Variants in COL4A3 observed in about 807,000 individuals in gnomAD.
COL4A3 encodes collagen type IV alpha 3 chain, also known as collagen alpha-3(IV) chain.
Under a neutral mutation model 217.4 loss-of-function variants are expected in COL4A3, and 135 were observed. That is an observed-to-expected ratio of 0.62 (90% CI 0.54 to 0.72). COL4A3 has a LOEUF of 0.72. Among genes scored for constraint, COL4A3 ranks in the 30% least tolerant of loss-of-function variants. The pLI is 0.00. For synonymous variants in COL4A3, 690 were observed against 736.3 expected (o/e 0.94, Z 1.02); for missense variants, 1,868 against 2,119.9 (o/e 0.88, Z 2.33).
intron 1 of COL4A3, among the ~76,000 whole-genome samples, chr2:227,180,448 G>A (rs748172426): frequency 2.6e-5 from 4 of 152,112 alleles, no homozygotes; most frequent in South Asian, 2.1e-4. Flanking sequence ...TTTCAGAGAC[G>A]GAACATTCAG....
intron 1 of COL4A3, among the ~76,000 whole-genome samples, chr2:227,222,002 C>T (rs2067813408): frequency 6.6e-6 from 1 of 151,656 alleles, no homozygotes; most frequent in Non-Finnish European, 1.5e-5. Context: ...GCTCCTTAAG[C>T]CAGGTGCAGT....
rs2066338645 is a variant in COL4A3 at position 227,193,755 on chromosome 2, AGG to A, written c.87+28943_87+28944del. On this transcript the variant is annotated intron_variant, in intron 1 of 51. Transcript: ENST00000396578. ...AAGGAGGGAGGGAGGGAGGGAAGGA[AGG>A]AAGGAAGGAAGGAAGGAAGGAAGGA... 1.3e-3 allele frequency among the ~76,000 whole-genome samples: 12 copies of A among 9,324 alleles called. 1 individual carries two copies. The highest frequency in any genetic ancestry group is 3.7e-3 in the African/African-American group (11 of 2,938). The allele number at this position is 9,324 out of a possible 152,430, so 6.1% of individuals were successfully genotyped here.
intron 23 of COL4A3, among the ~76,000 whole-genome samples, chr2:227,267,328 T>A (rs2125983236): frequency 6.6e-6 from 1 of 152,334 alleles, no homozygotes; most frequent in East Asian, 1.9e-4. Context: ...GCAGGAATTG[T>A]GAACACAGAG....
intron 3 of COL4A3, among the ~76,000 whole-genome samples, chr2:227,241,303 T>C (rs1302547609): frequency 6.6e-6 from 1 of 152,210 alleles, no homozygotes; most frequent in Non-Finnish European, 1.5e-5. Context: ...CAGCAAGCTA[T>C]AAACCAACTA....
intron 1 of COL4A3, among the ~76,000 whole-genome samples, chr2:227,190,799 C>G (rs979142818): frequency 3.3e-5 from 5 of 152,090 alleles, no homozygotes; most frequent in Admixed American, 2.0e-4. Context: ...CCCAGCTACT[C>G]AGAAGGCTGA....
chr2:227,254,899 A>G (rs1459721092), intron 15 of COL4A3, among the ~76,000 whole-genome samples, 184 bp downstream of exon 15: 1 of 152,190 alleles, frequency 6.6e-6, no homozygotes. Flanking sequence ...ACAGGGTTCA[A>G]GGACTTCAGA....
At chr2:227,177,316 A>AT (rs113238169) in intron 1 of COL4A3, among the ~76,000 whole-genome samples, 2,124 of 146,208 alleles carry the variant, frequency 0.015, 21 homozygotes, top group African/African-American at 0.023. Flanking sequence ...CTCCCGGCTA[A>AT]TTTTTTTTTT....
At chr2:227,256,656 T>A (rs1455330603) in intron 17 of COL4A3, 2 of 644,064 alleles carry the variant, frequency 3.1e-6, no homozygotes, top group African/African-American at 1.8e-5. Context: ...CAGCTTCCCA[T>A]GAGGAAGAGG....
rs531021839 is a variant in COL4A3 at position 227,290,964 on chromosome 2, G to A, written c.3210+78G>A. The A allele has an allele frequency of 8.4e-4, 1,249 of 1,495,752 alleles. 10 individuals carry two copies. The highest frequency in any genetic ancestry group is 1.8e-4 in the Non-Finnish European group (199 of 1,103,270). The allele number at this position is 1,495,752 out of a possible 1,614,324, so 92.7% of individuals were successfully genotyped here. On this transcript the variant is annotated intron_variant, in intron 37 of 51. Coordinates refer to ENST00000396578, the MANE Select transcript of COL4A3 (RefSeq NM_000091.5). ...AAAATATCAACAAGTACCCAGATTCGGTGTGGGCAGAGAAAATTGAAACTG... is the reference window on the plus strand; with the variant it reads ...AAAATATCAACAAGTACCCAGATTCAGTGTGGGCAGAGAAAATTGAAACTG...
At chr2:227,267,880 C>T (rs181870512) in intron 23 of COL4A3, among the ~76,000 whole-genome samples, 24 of 152,270 alleles carry the variant, frequency 1.6e-4, no homozygotes, top group Admixed American at 1.6e-3. Flanking sequence ...CAACTGTGTG[C>T]CAGGCCAGGA....
Position 227,310,918 on chromosome 2 carries a change from T to C in COL4A3, c.4898T>C (p.Leu1633Pro). ...NYYSNSYSFW[L>P]ASLNPERMFR... The stretch of plus-strand genomic sequence containing the variant: ...TATTCAAATTCCTACAGTTTCTGGC[T>C]GGCTTCATTAAACCCAGAAAGAATG... The change falls in exon 51 of 52, where the codon CTG becomes CCG. Residue 1633 changes from leucine to proline, a missense_variant. Transcript: ENST00000396578. 1.2e-6 allele frequency: 2 copies of C among 1,614,002 alleles called. No homozygotes were observed. Among genetic ancestry groups the C allele is most frequent in the Non-Finnish European group, 1.7e-6 (2 of 1,180,018 alleles).
In COL4A3 at chr2:227,210,359, C is replaced by T. The variant is rs780149472; in HGVS notation, c.88-27609C>T. 6.6e-5 allele frequency among the ~76,000 whole-genome samples: 10 copies of T among 152,198 alleles called. No homozygotes were observed. In the East Asian group the frequency reaches 7.7e-4, roughly 12 times the overall value. ...TAATCCCAGCACTTTGGGATGCCAA[C>T]GCAGGCAGATCACCTGAGGTCAGAA... On this transcript the variant is annotated intron_variant, in intron 1 of 51. Transcript: ENST00000396578.
chr2:227,247,447 G>A, intron 7 of COL4A3, 111 bp from the exon 8 acceptor site: 1 of 951,682 alleles, frequency 1.1e-6, no homozygotes, highest in Middle Eastern at 2.1e-4. Context: ...AAGGCCGTGG[G>A]AGGTGTACAG....
chr2:227,240,133 GT>G lies in COL4A3; in HGVS notation c.145-6del. 6.3e-7 allele frequency: 1 copy of G among 1,599,990 alleles called. No homozygotes were observed. The highest frequency in any genetic ancestry group is 1.1e-5 in the South Asian group (1 of 88,252). On this transcript the variant is annotated splice_polypyrimidine_tract_variant and intron_variant, in intron 2 of 51. Transcript: ENST00000396578. ...TCTGTGTGTTTCTCACCTCGTTTTG[GT>G]TTTAACAGGGGGAGAAGGGCTTTCC... is the stretch of plus-strand genomic sequence containing the variant.
chr2:227,276,787 G>C (rs891773128), intron 27 of COL4A3, among the ~76,000 whole-genome samples: 2 of 152,246 alleles, frequency 1.3e-5, no homozygotes, highest in Non-Finnish European at 1.5e-5. Flanking sequence ...AGTGATGTTT[G>C]CCCACTGGCA....
At chr2:227,193,364 G>T (rs1474054482) in intron 1 of COL4A3, among the ~76,000 whole-genome samples, 1 of 152,188 alleles carries the variant, frequency 6.6e-6, no homozygotes, top group Non-Finnish European at 1.5e-5. Context: ...TTTAAGGAAG[G>T]ACTCAAGATC....
Position 227,298,054 on chromosome 2 carries a change from A to G in COL4A3, c.3751+195A>G, listed in dbSNP as rs74266862. Among the ~76,000 whole-genome samples, 18,345 of 152,184 alleles carry G rather than the reference A, an allele frequency of 0.12. 1,185 individuals are homozygous for G. Among genetic ancestry groups the G allele is most frequent in the Non-Finnish European group, 0.15 (10,367 of 68,006 alleles). On this transcript the variant is annotated intron_variant, in intron 42 of 51. Transcript: ENST00000396578. ...TGTTTGAGGGATGCATAGTTAATAA[A>G]TTAACGAGCCTGGCTGGACGCAGTG...
In COL4A3 at chr2:227,303,107, A is replaced by C; in HGVS notation, c.3952A>C (p.Lys1318Gln). ...DPGFQGFPGV[K>Q]GEKGNPGFLG... ...TGGATTCCAGGGGTTTCCAGGCGTG[A>C]AAGGTACTGTTTTTGTGCATTGCTC... Residue 1318 changes from lysine to glutamine, a missense_variant, in exon 44 of 52, where the codon AAA (lysine) becomes CAA (glutamine). Physicochemically the swap from Lys to Gln is moderately conservative, Grantham distance 53. Coordinates refer to ENST00000396578, the MANE Select transcript of COL4A3 (RefSeq NM_000091.5). 1 of 1,613,678 alleles carries C rather than the reference A, an allele frequency of 6.2e-7. No individual in the cohort carries two copies. Among genetic ancestry groups the C allele is most frequent in the Non-Finnish European group, 8.5e-7 (1 of 1,179,594 alleles).
chr2:227,263,846 G>A lies in COL4A3; in HGVS notation c.1217G>A (p.Arg406Gln), dbSNP rs373952897. Residue 406 changes from arginine (R) to glutamine (Q), a missense_variant, in exon 21 of 52, where the codon CGA becomes CAA. Physicochemically the swap from Arg to Gln is conservative, Grantham distance 43 (BLOSUM62 1). Around this residue, in one of 2 missense-constraint regions of COL4A3, gnomAD observed 1,503 missense variants for 1,786.1 expected, o/e 0.84. Coordinates refer to ENST00000396578, the MANE Select transcript of COL4A3 (RefSeq NM_000091.5). ...WPGLKGSKGE[R>Q]GRPGKDAMGT... ...GGCCTGAAAGGAAGTAAAGGGGAAC[G>A]AGGCCGCCCAGGAAAGGATGCCATG... 3.5e-5 allele frequency: 57 copies of A among 1,614,034 alleles called. No homozygotes were observed. The highest frequency in any genetic ancestry group is 8.0e-5 in the African/African-American group (6 of 74,940).
Sources: gnomAD v4.1 joint callset for allele counts (sites outside exome capture counted in the v4.1 genomes callset) on GRCh38, gnomAD v4.1.1 for gene constraint, gnomAD v4.1.1 regional missense constraint, MANE v1.5 for transcripts, NCBI Gene and HGNC (gene_info 2026-07-23, HGNC 2026-07-21) for gene names.